The following LARS1 variants were observed in gnomAD, a reference collection of about 807,000 sequenced individuals.
LARS1 encodes leucine--tRNA ligase, cytoplasmic.
In LARS1, 100 loss-of-function variants were observed where a neutral mutation model predicts 162.8. The observed-to-expected ratio is 0.61, with a 90% CI of 0.52 to 0.73. The LOEUF (loss-of-function observed/expected upper bound fraction) is 0.73, where lower values mean the gene tolerates loss of function less well. Ranked by LOEUF, LARS1 falls within the 30% of genes least tolerant of loss-of-function variation. The pLI, the probability that LARS1 is intolerant of heterozygous loss-of-function variation, is 0.00. For synonymous variants in LARS1, 457 were observed against 462.8 expected, an observed-to-expected ratio of 0.99 and a Z score of 0.16; for missense variants, 1,258 against 1,408.9, an observed-to-expected ratio of 0.89 and a Z score of 1.71.
intron 28 of LARS1, among the ~76,000 whole-genome samples, chr5:146,125,757 T>G (rs1453056300): frequency 6.6e-6 from 1 of 151,994 alleles, no homozygotes; most frequent in Non-Finnish European, 1.5e-5. Context: ...TTCGGTTTCT[T>G]TTTGTCAAGA....
intron 1 of LARS1, among the ~76,000 whole-genome samples, chr5:146,180,834 C>T (rs903888621): frequency 1.3e-5 from 2 of 152,168 alleles, no homozygotes; most frequent in African/African-American, 4.8e-5. Flanking sequence ...AGTTCCTAAA[C>T]TTTGGCACTA....
At chr5:146,130,876 T>G (rs561654902) in intron 24 of LARS1, 143 bp downstream of exon 24, 36 of 477,194 alleles carry the variant, frequency 7.5e-5, no homozygotes, top group African/African-American at 6.8e-4. Context: ...CACAATTTAT[T>G]GAAGAATTTA....
chr5:146,158,282 T>G (rs1753620607), intron 8 of LARS1, among the ~76,000 whole-genome samples: 1 of 152,208 alleles, frequency 6.6e-6, no homozygotes, highest in Non-Finnish European at 1.5e-5. Flanking sequence ...TTGAAAAATC[T>G]ACAAAGGATT....
At chr5:146,118,822 C>T (rs2126360177) in intron 31 of LARS1, among the ~76,000 whole-genome samples, 1 of 152,230 alleles carries the variant, frequency 6.6e-6, no homozygotes, top group South Asian at 2.1e-4. Context: ...GTATTCAAGC[C>T]TCCTGAACTG....
At position 146,181,848 on chromosome 5, in the gene LARS1, C is replaced by CTTTTTTTTTTTTTTTTTTT. The variant is rs34658033; in HGVS notation, c.6+621_6+639dup. On this transcript the variant is annotated intron_variant, in intron 1 of 31. Transcript: ENST00000394434. ...TTTACGGAGAGGCGCTCAATTTTTT[C>CTTTTTTTTTTTTTTTTTTT]TTTTTTTTTTTTTTTTTTTTTTTTT... 9.4e-4 allele frequency among the ~76,000 whole-genome samples: 50 copies of CTTTTTTTTTTTTTTTTTTT among 53,038 alleles called. 9 individuals are homozygous for CTTTTTTTTTTTTTTTTTTT. The highest frequency in any genetic ancestry group is 3.8e-3 in the East Asian group (4 of 1,066). The allele number at this position is 53,038 out of a possible 152,430, so 34.8% of individuals were successfully genotyped here. A position where few individuals can be genotyped will look rare whatever the true frequency, so the allele number is the denominator to read the frequency against.
At chr5:146,164,621 G>C in intron 5 of LARS1, 150 bp from the exon 6 acceptor site, 1 of 750,386 alleles carries the variant, frequency 1.3e-6, no homozygotes, top group Non-Finnish European at 2.2e-6. Flanking sequence ...CTATTAGTCT[G>C]TACTAAAAGT....
chr5:146,157,839 T>C, intron 8 of LARS1, 44 bp from the exon 9 acceptor site: 1 of 1,581,086 alleles, frequency 6.3e-7, no homozygotes, highest in East Asian at 2.2e-5. Flanking sequence ...AAAAAAAGAC[T>C]TGCCTTAAAC....
At chr5:146,115,856 T>C (rs1341000125) in intron 31 of LARS1, among the ~76,000 whole-genome samples, 1 of 152,204 alleles carries the variant, frequency 6.6e-6, no homozygotes, top group African/African-American at 2.4e-5. Flanking sequence ...TTACTTCCCA[T>C]TTCTTTCTGA....
At chr5:146,128,264 T>C (rs13161659) in intron 27 of LARS1, among the ~76,000 whole-genome samples, 33,836 of 151,944 alleles carry the variant, frequency 0.22, 4,823 homozygotes, top group Admixed American at 0.34. Context: ...TTCCAAACAA[T>C]AAACAAGGTT....
Position 146,136,566 on chromosome 5 carries a change from C to T in LARS1, c.2149-902G>A, listed in dbSNP as rs145547321. On this transcript the variant is annotated intron_variant, in intron 21 of 31. Transcript: ENST00000394434. ...CGCAATCTTGGCTCAGTGCAACCTC[C>T]GCCTCCCTCGGTTCAAGGGATTCTC... Among the ~76,000 whole-genome samples the T allele has an allele frequency of 5.8e-4, 88 of 151,864 alleles. No homozygotes were observed. In the East Asian group the frequency reaches 0.015, roughly 25 times the overall value.
At position 146,114,280 on chromosome 5, in the gene LARS1, A is replaced by G. The variant is rs1243246091; in HGVS notation, c.3357T>C (p.Asp1119=). The G allele has an allele frequency of 1.2e-6, 2 of 1,614,064 alleles. No homozygotes were observed. Among genetic ancestry groups the G allele is most frequent in the South Asian group, 2.2e-5 (2 of 91,066 alleles). ...CTCGTCGAGGCCCCAACAGTGGATC[A>G]TCAAATCTCATCAGTTTCACTTTGG... ...DLSKVKLMRF[D]DPLLGPRRVP... is the part of the protein sequence containing the mutation. Residue 1119 remains aspartate (D), a synonymous_variant, in exon 32 of 32, where the codon GAT becomes GAC. Coordinates refer to ENST00000394434, the MANE Select transcript of LARS1 (RefSeq NM_020117.11).
In LARS1 at chr5:146,124,077, C is replaced by T; in HGVS notation, c.3001G>A (p.Glu1001Lys). Reference sequence around the variant, plus strand: ...TCCAGAATACGAGGCCCCATCTTCTCCAGATTTTCCTAATAGCCAAAATGG... The same window carrying T: ...TCCAGAATACGAGGCCCCATCTTCTTCAGATTTTCCTAATAGCCAAAATGG... ...PFVAMIKENL[E>K]KMGPRILDLQ... Residue 1001 changes from glutamate to lysine, a missense_variant, in exon 29 of 32, where the codon GAG (glutamate) becomes AAG (lysine). Coordinates refer to ENST00000394434, the MANE Select transcript of LARS1 (RefSeq NM_020117.11). 6.2e-7 allele frequency: 1 copy of T among 1,605,886 alleles called. No individual in the cohort carries two copies. Among genetic ancestry groups the T allele is most frequent in the Non-Finnish European group, 8.5e-7 (1 of 1,174,868 alleles).
At chr5:146,132,569 C>CTT (rs1463226183) in intron 23 of LARS1, 3 of 185,054 alleles carry the variant, frequency 1.6e-5, no homozygotes, top group Non-Finnish European at 3.3e-5. Context: ...TCAAGACAGA[C>CTT]AGAAGCAAGT....
Position 146,144,688 on chromosome 5 carries a change from C to A in LARS1, c.1525G>T (p.Glu509Ter). Residue 509 changes from glutamate to a stop codon, truncating the protein, a stop_gained, in exon 16 of 32, where the codon GAA becomes TAA. Transcript: ENST00000394434. LOFTEE classifies it high-confidence loss of function. ...CTGGACATCACTTGTTTCTCTGGTT[C>A]CATGTAAATAAGTGCATCTCCCTAA... Reference protein sequence around the residue: ...IDAGDALIYMEPEKQVMSRSS... With the variant: ...IDAGDALIYM 6.2e-7 allele frequency: 1 copy of A among 1,613,882 alleles called. No individual in the cohort carries two copies. Among genetic ancestry groups the A allele is most frequent in the Non-Finnish European group, 8.5e-7 (1 of 1,179,950 alleles).
rs1581062158 is a variant in LARS1, at chr5:146,157,791, A to G, written c.776T>C (p.Val259Ala). ...MDHDRQTGEG[V>A]GPQEYTLLKL... The stretch of plus-strand genomic sequence containing the variant: ...GAGTAAAGTATATTCCTGAGGTCCA[A>G]CACCCTAAGCAAATAAACGATACAA... The change falls in exon 9 of 32, where the codon GTT becomes GCT. Residue 259 changes from valine (V) to alanine (A), a missense_variant. Coordinates refer to ENST00000394434, the MANE Select transcript of LARS1 (RefSeq NM_020117.11). The G allele has an allele frequency of 1.2e-6, 2 of 1,613,964 alleles. No homozygotes were observed. The highest frequency in any genetic ancestry group is 4.5e-5 in the East Asian group (2 of 44,878).
rs551806626 is a variant in LARS1, at chr5:146,140,761, C to T, written c.2091-500G>A. On this transcript the variant is annotated intron_variant, in intron 20 of 31. Transcript: ENST00000394434. ...TGGAGGTTGCGGTAAGCCAAGATCG[C>T]GCCACTGCACTCCAGCCTAGGCGAC... Among the ~76,000 whole-genome samples the T allele has an allele frequency of 2.7e-4, 41 of 152,172 alleles. 1 individual carries two copies. In the Middle Eastern group the frequency reaches 0.01, roughly 38 times the overall value.
intron 4 of LARS1, among the ~76,000 whole-genome samples, chr5:146,168,530 T>A (rs1754122970): frequency 6.6e-6 from 1 of 151,842 alleles, no homozygotes. Context: ...CTACTAAATA[T>A]AAAAATTAGC....
intron 2 of LARS1, among the ~76,000 whole-genome samples, chr5:146,173,360 A>C (rs1405546078): frequency 6.4e-4 from 98 of 152,084 alleles, no homozygotes; most frequent in Non-Finnish European, 5.9e-5. Flanking sequence ...CAAAAAAAAA[A>C]AAATTCTTTA....
At chr5:146,131,162 G>C (rs1752263034) in intron 23 of LARS1, 53 bp from the exon 24 acceptor site, 1 of 840,232 alleles carries the variant, frequency 1.2e-6, no homozygotes, top group African/African-American at 1.8e-5. Context: ...CTTATACATA[G>C]CTATAAAAAA....
Sources: allele counts gnomAD v4.1 joint callset (sites outside exome capture counted in the v4.1 genomes callset), GRCh38; gene constraint gnomAD v4.1.1; transcripts MANE v1.5; gene names NCBI Gene and HGNC (gene_info 2026-07-23, HGNC 2026-07-21).